The following TRAF2 variants were observed in gnomAD, a reference collection of about 807,000 sequenced individuals.
TRAF2 encodes TNF receptor associated factor 2.
A neutral mutation model predicts 55.6 loss-of-function variants in TRAF2; 6 were observed. The ratio of observed to expected loss-of-function variants is 0.11; its 90% CI spans 0.06 to 0.21. The LOEUF is 0.21. TRAF2 is among the 10% of genes least tolerant of loss of function. TRAF2 has a pLI of 1.00. For missense variants in TRAF2, 561 were observed against 684.5 expected, an observed-to-expected ratio of 0.82 and a Z score of 2.01; for synonymous variants, 329 against 276.3, an observed-to-expected ratio of 1.19 and a Z score of -1.89.
rs772094707 is a variant in TRAF2 at position 136,920,341 on chromosome 9, C to G, written c.786C>G (p.Ser262Arg). ...CAAAGCCCCTCTTGGGAGACCAGAG[C>G]CACGCGGGGTCAGAGCTCCTGCAGA... is the stretch of plus-strand genomic sequence containing the variant. ...LEAKPLLGDQ[S>R]HAGSELLQRC... The change falls in exon 8 of 11, where the codon AGC becomes AGG. Residue 262 changes from serine (S) to arginine (R), a missense_variant. Ser to Arg is a moderately radical substitution (Grantham distance 110). Coordinates refer to ENST00000247668, the MANE Select transcript of TRAF2 (RefSeq NM_021138.4). 2.0e-5 allele frequency: 32 copies of G among 1,614,068 alleles called. No individual in the cohort carries two copies. Among genetic ancestry groups the G allele is most frequent in the Non-Finnish European group, 2.5e-5 (30 of 1,180,042 alleles).
At chr9:136,899,730 A>G in intron 3 of TRAF2, 58 bp downstream of exon 3, 1 of 1,538,570 alleles carries the variant, frequency 6.5e-7, no homozygotes. Flanking sequence ...AATTTCCTTT[A>G]CAACATGGGT....
upstream of TRAF2, among the ~76,000 whole-genome samples, chr9:136,885,168 T>C (rs528637369): frequency 2.0e-5 from 3 of 152,324 alleles, no homozygotes; most frequent in African/African-American, 4.8e-5. Flanking sequence ...AAATGTGGCA[T>C]TGGCGCCTGG....
At chr9:136,887,998 C>T (rs951716487) in intron 1 of TRAF2, among the ~76,000 whole-genome samples, 2 of 151,848 alleles carry the variant, frequency 1.3e-5, no homozygotes, top group African/African-American at 4.8e-5. Flanking sequence ...GCCTCCCGAG[C>T]AGCTGGGATT....
chr9:136,910,206 T>G (rs1159011997), intron 6 of TRAF2: 9 of 604,306 alleles, frequency 1.5e-5, no homozygotes, highest in East Asian at 5.5e-5. Flanking sequence ...CCGAGCCCTC[T>G]TCCTCATCCT....
intron 9 of TRAF2, 137 bp from the exon 10 acceptor site, chr9:136,923,715 A>C: frequency 1.4e-6 from 1 of 704,188 alleles, no homozygotes; most frequent in East Asian, 3.2e-5. Flanking sequence ...AGGGAAAAAA[A>C]ACTTTTCTTT....
intron 6 of TRAF2, among the ~76,000 whole-genome samples, chr9:136,914,950 C>T (rs781500157): frequency 2.0e-5 from 3 of 151,952 alleles, no homozygotes; most frequent in Non-Finnish European, 4.4e-5. Flanking sequence ...AAGGCGGAGG[C>T]GAGCGGATCA....
intron 4 of TRAF2, among the ~76,000 whole-genome samples, chr9:136,907,787 C>T (rs578201476): frequency 2.4e-4 from 36 of 152,062 alleles, no homozygotes; most frequent in African/African-American, 7.9e-4. Flanking sequence ...GGGGGCAGAT[C>T]GGGGAGCCTG....
chr9:136,896,069 G>A (rs1189030788), intron 1 of TRAF2, among the ~76,000 whole-genome samples: 1 of 152,032 alleles, frequency 6.6e-6, no homozygotes, highest in Non-Finnish European at 1.5e-5. Context: ...TGCTCTGCCT[G>A]CAGTCCACCT....
At chr9:136,918,255 A>ATATATATTTATTTATT (rs1402432355) in intron 7 of TRAF2, among the ~76,000 whole-genome samples, 1 of 23,346 alleles carries the variant, frequency 4.3e-5, no homozygotes, top group African/African-American at 2.1e-4. Context: ...ATATATATAT[A>ATATATATTTATTTATT]TATTTATTTA....
At chr9:136,886,731 C>G (rs905591434) in intron 1 of TRAF2, 190 bp downstream of exon 1, 1 of 345,408 alleles carries the variant, frequency 2.9e-6, no homozygotes. Context: ...GCCGCTGGGC[C>G]GGAAACCAAG....
At chr9:136,888,912 C>T (rs956789380) in intron 1 of TRAF2, among the ~76,000 whole-genome samples, 1 of 151,894 alleles carries the variant, frequency 6.6e-6, no homozygotes, top group African/African-American at 2.4e-5. Context: ...TGTCACCCGG[C>T]TGGAGTGCAG....
At chr9:136,916,022 A>G (rs900720279) in intron 6 of TRAF2, among the ~76,000 whole-genome samples, 1 of 152,186 alleles carries the variant, frequency 6.6e-6, no homozygotes, top group Non-Finnish European at 1.5e-5. Context: ...TCCTGCATCC[A>G]TAGACCCATG....
At chr9:136,908,269 C>T in intron 5 of TRAF2, 38 bp downstream of exon 5, 1 of 1,521,786 alleles carries the variant, frequency 6.6e-7, no homozygotes, top group African/African-American at 1.4e-5. Flanking sequence ...TGGCTGCAGC[C>T]ATGCGGGGCT....
chr9:136,918,656 T>G (rs1242365670), intron 7 of TRAF2, among the ~76,000 whole-genome samples: 1 of 152,194 alleles, frequency 6.6e-6, no homozygotes, highest in Non-Finnish European at 1.5e-5. Context: ...AAATGAGGTA[T>G]GTTTAAGGAG....
Position 136,925,805 on chromosome 9 carries a change from C to A in TRAF2, c.1410C>A (p.Pro470=), listed in dbSNP as rs763160998. The A allele has an allele frequency of 1.9e-6, 3 of 1,614,266 alleles. No homozygotes were observed. Among genetic ancestry groups the A allele is most frequent in the Non-Finnish European group, 1.7e-6 (2 of 1,180,050 alleles). Reference sequence around the variant, plus strand: ...ACATGAACATCGCAAGCGGCTGCCCCCTCTTCTGCCCCGTCTCCAAGATGG... The same window carrying A: ...ACATGAACATCGCAAGCGGCTGCCCACTCTTCTGCCCCGTCTCCAAGATGG... ...VNDMNIASGC[P]LFCPVSKMEA... is the part of the protein sequence containing the mutation. Residue 470 remains proline (P), a synonymous_variant, in exon 11 of 11, where the codon CCC becomes CCA. Coordinates refer to ENST00000247668, the MANE Select transcript of TRAF2 (RefSeq NM_021138.4).
Position 136,925,695 on chromosome 9 carries a change from C to G in TRAF2, c.1300C>G (p.Leu434Val), listed in dbSNP as rs760775156. ...WPFNQKVTLM[L>V]LDQNNREHVI... Reference sequence around the variant, plus strand: ...CTCTCTCCTCCAGGTGACCTTAATGCTGCTCGACCAGAATAACCGGGAGCA... The same window carrying G: ...CTCTCTCCTCCAGGTGACCTTAATGGTGCTCGACCAGAATAACCGGGAGCA... The change falls in exon 11 of 11, where the codon CTG becomes GTG. Residue 434 changes from leucine (L) to valine (V), a missense_variant. This residue lies in a region of TRAF2 where 135 missense variants were observed against 207.7 expected (regional missense o/e 0.65). Coordinates refer to ENST00000247668, the MANE Select transcript of TRAF2 (RefSeq NM_021138.4). The G allele has an allele frequency of 1.2e-6, 2 of 1,613,982 alleles. No homozygotes were observed. Among genetic ancestry groups the G allele is most frequent in the African/African-American group, 2.7e-5 (2 of 74,942 alleles).
chr9:136,911,920 G>C (rs1247042738), intron 6 of TRAF2, among the ~76,000 whole-genome samples: 2 of 141,960 alleles, frequency 1.4e-5, no homozygotes, highest in Non-Finnish European at 3.0e-5. Flanking sequence ...CGAGATCTCG[G>C]TTCACTGCAA....
intron 7 of TRAF2, among the ~76,000 whole-genome samples, chr9:136,917,773 GTCT>G (rs1235946363): frequency 3.3e-5 from 5 of 152,180 alleles, no homozygotes; most frequent in African/African-American, 4.8e-5. Flanking sequence ...GCGTTGGATA[GTCT>G]TCTGCTGTCC....
chr9:136,910,738 G>A (rs562428052), intron 6 of TRAF2, among the ~76,000 whole-genome samples: 94 of 152,354 alleles, frequency 6.2e-4, no homozygotes, highest in African/African-American at 2.2e-3. Context: ...CAGCCTGACA[G>A]GTGTGTGCCT....
Sources: allele counts gnomAD v4.1 joint callset (sites outside exome capture counted in the v4.1 genomes callset), GRCh38; gene constraint gnomAD v4.1.1; regional missense constraint gnomAD v4.1.1; transcripts MANE v1.5; gene names NCBI Gene and HGNC (gene_info 2026-07-23, HGNC 2026-07-21).